The following IQSEC1 variants were observed in gnomAD, a reference collection of about 807,000 sequenced individuals.
The protein encoded by IQSEC1 is IQ motif and Sec7 domain ArfGEF 1, also known as IQ motif and SEC7 domain-containing protein 1.
In IQSEC1, 31 loss-of-function variants were observed where a neutral mutation model predicts 91.0. The ratio of observed to expected loss-of-function variants is 0.34; its 90% confidence interval spans 0.26 to 0.46. The LOEUF (loss-of-function observed/expected upper bound fraction) is 0.46, where lower values mean the gene tolerates loss of function less well. Ranked by LOEUF, IQSEC1 falls within the 20% of genes least tolerant of loss-of-function variation. The pLI is 1.00. For missense variants in IQSEC1, 1,388 were observed against 1,575.6 expected, an observed-to-expected ratio of 0.88 and a Z score of 2.02; for synonymous variants, 699 against 662.6, an observed-to-expected ratio of 1.05 and a Z score of -0.84.
chr3:12,961,743 C>T (rs974765750), intron 1 of IQSEC1, among the ~76,000 whole-genome samples: 6 of 152,212 alleles, frequency 3.9e-5, no homozygotes, highest in African/African-American at 7.2e-5. Flanking sequence ...CTAAAGGATG[C>T]CATGTTTCTG....
chr3:13,056,262 AGGGGTGT>A (rs371411559), intron 1 of IQSEC1, among the ~76,000 whole-genome samples: 62 of 152,188 alleles, frequency 4.1e-4, no homozygotes, highest in African/African-American at 1.4e-3. Flanking sequence ...GGCTTGGGGG[AGGGGTGT>A]ACCTGCAATC....
intron 12 of IQSEC1, among the ~76,000 whole-genome samples, chr3:12,907,236 G>A (rs1237342390): frequency 2.6e-5 from 4 of 152,074 alleles, no homozygotes; most frequent in Admixed American, 1.3e-4. Context: ...ATGACAAAAC[G>A]AAAACAAAGG....
intron 1 of IQSEC1, among the ~76,000 whole-genome samples, chr3:13,177,589 A>C (rs1053561354): frequency 2.0e-5 from 3 of 152,080 alleles, no homozygotes; most frequent in African/African-American, 4.8e-5. Context: ...CTGTGGACAG[A>C]GGTGTCTGGG....
intron 2 of IQSEC1, among the ~76,000 whole-genome samples, chr3:13,090,229 A>AC (rs1366554539): frequency 6.6e-6 from 1 of 151,818 alleles, no homozygotes; most frequent in South Asian, 2.1e-4. Flanking sequence ...AAAAAAATAA[A>AC]ACAACAAAAA....
intron 1 of IQSEC1, among the ~76,000 whole-genome samples, chr3:13,063,928 A>G (rs939304364): frequency 3.3e-5 from 5 of 152,084 alleles, no homozygotes; most frequent in Non-Finnish European, 7.4e-5. Flanking sequence ...AGCCTGTCAG[A>G]CCTGATACCC....
intron 12 of IQSEC1, among the ~76,000 whole-genome samples, chr3:12,903,679 C>T (rs925454522): frequency 5.9e-5 from 9 of 152,228 alleles, no homozygotes; most frequent in African/African-American, 9.6e-5. Context: ...TCCACAGTCC[C>T]TCCTGAGGAC....
chr3:12,927,306 G>A (rs1281261711), intron 3 of IQSEC1, among the ~76,000 whole-genome samples: 4 of 152,136 alleles, frequency 2.6e-5, no homozygotes, highest in African/African-American at 7.3e-5. Context: ...ACCTTCTGGC[G>A]TCCCTGGGCC....
chr3:13,240,182 C>A (rs984327065), intron 1 of IQSEC1, among the ~76,000 whole-genome samples: 5 of 152,052 alleles, frequency 3.3e-5, no homozygotes, highest in African/African-American at 9.6e-5. Context: ...AGTTTAAGAC[C>A]AGCCTGGGCA....
intron 2 of IQSEC1, among the ~76,000 whole-genome samples, chr3:13,118,062 A>G (rs1449317296): frequency 1.3e-5 from 2 of 152,180 alleles, no homozygotes; most frequent in Non-Finnish European, 2.9e-5. Flanking sequence ...TGTTTGCTAC[A>G]GTTAATCATA....
In IQSEC1 at chr3:12,922,115, C is replaced by G. The variant is rs780610296; in HGVS notation, c.1853+5G>C. 1.3e-6 allele frequency: 2 copies of G among 1,584,804 alleles called. No homozygotes were observed. The highest frequency in any genetic ancestry group is 4.6e-5 in the East Asian group (2 of 43,660). ...TGCAGCAGCCCCAGCCAGCCCGGGCCCCACCTGAACGCCTCTATGAGCCGC... is the reference window on the plus strand; with the variant it reads ...TGCAGCAGCCCCAGCCAGCCCGGGCGCCACCTGAACGCCTCTATGAGCCGC... On this transcript the variant is annotated splice_donor_5th_base_variant and intron_variant, in intron 5 of 13. Coordinates refer to ENST00000613206, the MANE Select transcript of IQSEC1 (RefSeq NM_001134382.3). The surrounding 1 kb of genome is among the most constrained non-coding windows in gnomAD (Gnocchi z 5.1).
intron 1 of IQSEC1, among the ~76,000 whole-genome samples, chr3:12,957,460 C>G (rs953816325): frequency 8.5e-5 from 13 of 152,188 alleles, no homozygotes; most frequent in Non-Finnish European, 1.5e-4. Context: ...CCCGGCTGAG[C>G]CAAATTAAAT....
At chr3:12,958,120 C>G (rs1313225235) in intron 1 of IQSEC1, among the ~76,000 whole-genome samples, 1 of 152,202 alleles carries the variant, frequency 6.6e-6, no homozygotes, top group Non-Finnish European at 1.5e-5. Flanking sequence ...GCCCACCACC[C>G]TATCTAACCA....
At chr3:13,007,087 C>T (rs537181905) in intron 1 of IQSEC1, among the ~76,000 whole-genome samples, 1 of 152,352 alleles carries the variant, frequency 6.6e-6, no homozygotes, top group South Asian at 2.1e-4. Flanking sequence ...GGCCCCCATC[C>T]CTGCAGTGGT....
chr3:12,972,242 G>A (rs948617352), intron 1 of IQSEC1, among the ~76,000 whole-genome samples: 2 of 151,662 alleles, frequency 1.3e-5, no homozygotes, highest in African/African-American at 4.8e-5. Context: ...GTGTAGGAAG[G>A]TCAAGGCTGT....
At chr3:12,981,458 G>T (rs527798335) in intron 1 of IQSEC1, among the ~76,000 whole-genome samples, 6 of 152,026 alleles carry the variant, frequency 3.9e-5, no homozygotes, top group South Asian at 2.1e-4. Flanking sequence ...GACATCTCTG[G>T]GGGGGAGAAC....
chr3:13,212,956 C>T (rs796174533), intron 1 of IQSEC1, among the ~76,000 whole-genome samples: 6 of 152,294 alleles, frequency 3.9e-5, no homozygotes, highest in African/African-American at 1.4e-4. Flanking sequence ...GTTCAAGTCT[C>T]TTATCAAATA....
At chr3:13,041,158 G>A (rs1405560232) in intron 1 of IQSEC1, among the ~76,000 whole-genome samples, 2 of 151,766 alleles carry the variant, frequency 1.3e-5, no homozygotes, top group African/African-American at 2.4e-5. Flanking sequence ...CCCCACCGCG[G>A]TAGACACCGA....
intron 1 of IQSEC1, among the ~76,000 whole-genome samples, chr3:13,000,696 T>C (rs1187604862): frequency 1.3e-5 from 2 of 152,190 alleles, no homozygotes; most frequent in Admixed American, 1.3e-4. Flanking sequence ...CCTCAAGGGC[T>C]GCCCTGCTGG....
chr3:13,101,849 T>G (rs998253713), intron 2 of IQSEC1, among the ~76,000 whole-genome samples: 2 of 145,608 alleles, frequency 1.4e-5, no homozygotes, highest in Non-Finnish European at 3.0e-5. Context: ...CAGGAATCAA[T>G]AAACAGAGAC....
Sources: allele counts gnomAD v4.1 joint callset (sites outside exome capture counted in the v4.1 genomes callset), GRCh38; gene constraint gnomAD v4.1.1; non-coding constraint Gnocchi (gnomAD v3.1); transcripts MANE v1.5; gene names NCBI Gene and HGNC (gene_info 2026-07-23, HGNC 2026-07-21).